Variants in RPGR observed in about 807,000 individuals in gnomAD.
The protein encoded by RPGR is retinitis pigmentosa GTPase regulator.
In RPGR, 10 loss-of-function variants were observed where a neutral mutation model predicts 56.3. The observed-to-expected ratio is 0.18, with a 90% CI of 0.11 to 0.30. The LOEUF (loss-of-function observed/expected upper bound fraction) is 0.30, where lower values mean the gene tolerates loss of function less well. Among genes scored for constraint, RPGR ranks in the 10% least tolerant of loss-of-function variants. The pLI is 1.00. For synonymous variants in RPGR, 197 were observed against 212.9 expected (o/e 0.93, Z 0.65); for missense variants, 538 against 590.9 (o/e 0.91, Z 0.93).
intron 1 of RPGR, 31 bp downstream of exon 1, chrX:38,327,309 G>C: frequency 8.5e-7 from 1 of 1,172,799 alleles, no homozygotes; most frequent in Non-Finnish European, 1.1e-6. Flanking sequence ...CTCCCTCCCG[G>C]CCTTCCGCCA....
chrX:38,270,732 G>C (rs1374740723), intron 18 of RPGR, among the ~76,000 whole-genome samples: 2 of 110,460 alleles, frequency 1.8e-5, no homozygotes, highest in Non-Finnish European at 3.8e-5. Flanking sequence ...GGGGAGGCTG[G>C]GGCTGCAGAT....
At chrX:38,320,650 C>T (rs2067921717) in intron 4 of RPGR, among the ~76,000 whole-genome samples, 1 of 111,922 alleles carries the variant, frequency 8.9e-6, no homozygotes, top group Admixed American at 9.4e-5. Context: ...AACACACACA[C>T]ACACACACAA....
intron 3 of RPGR, among the ~76,000 whole-genome samples, chrX:38,321,858 A>G (rs186291937): frequency 9.0e-6 from 1 of 111,499 alleles, no homozygotes; most frequent in East Asian, 2.8e-4. Flanking sequence ...TTGTTCATTC[A>G]TTCATCTACA....
intron 15 of RPGR, chrX:38,279,106 C>T: frequency 3.1e-6 from 1 of 318,192 alleles, no homozygotes; most frequent in Non-Finnish European, 6.1e-6. Context: ...ACAGACTAAG[C>T]ACATTTAAAA....
At position 38,288,055 on chromosome X, in the gene RPGR, GAAGT is replaced by G. The variant is rs1569238859; in HGVS notation, c.1573-18_1573-15del. 1 of 1,193,318 alleles carries G rather than the reference GAAGT, an allele frequency of 8.4e-7. No homozygotes were observed. The highest frequency in any genetic ancestry group is 3.0e-5 in the East Asian group (1 of 33,788). The stretch of plus-strand genomic sequence containing the variant: ...TGTTTGTTGTTTCTGTAAATTTTTT[GAAGT>G]AATTATCATATGTCATACTACTATT... On this transcript the variant is annotated splice_polypyrimidine_tract_variant and intron_variant, in intron 13 of 18. Coordinates refer to ENST00000642395, the MANE Select transcript of RPGR (RefSeq NM_000328.3).
chrX:38,327,260 A>C, intron 1 of RPGR, 80 bp downstream of exon 1: 1 of 1,032,984 alleles, frequency 9.7e-7, no homozygotes, highest in Non-Finnish European at 1.3e-6. Context: ...GTCCCCCTAC[A>C]GGGCCGATCC....
rs281865308 is a variant in RPGR at position 38,273,401 on chromosome X, C to G, written c.2226G>C (p.Met742Ile). The G allele has an allele frequency of 2.5e-6, 3 of 1,198,128 alleles. No homozygotes were observed. Among genetic ancestry groups the G allele is most frequent in the Non-Finnish European group, 3.4e-6 (3 of 886,563 alleles). ...TTTCACTTACCTTCTTTGTTTTTTTCATGTCTTTGCTTGGTGTTGTTTCAC... is the reference window on the plus strand; with the variant it reads ...TTTCACTTACCTTCTTTGTTTTTTTGATGTCTTTGCTTGGTGTTGTTTCAC... The change falls in exon 18 of 19, where the codon ATG becomes ATC. Residue 742 changes from methionine (M) to isoleucine (I), a missense_variant. Around this residue, in one of 2 missense-constraint regions of RPGR, gnomAD observed 357 missense variants for 325.8 expected, o/e 1.10. Coordinates refer to ENST00000642395, the MANE Select transcript of RPGR (RefSeq NM_000328.3).
chrX:38,277,042 AAAAT>A (rs2066948541), intron 15 of RPGR, among the ~76,000 whole-genome samples: 1 of 111,792 alleles, frequency 8.9e-6, no homozygotes, highest in Non-Finnish European at 1.9e-5. Context: ...ATGGAAAAAA[AAAAT>A]AAATACTCTT....
chrX:38,305,543 G>A (rs2067579920), intron 7 of RPGR, among the ~76,000 whole-genome samples: 3 of 110,167 alleles, frequency 2.7e-5, no homozygotes, highest in Non-Finnish European at 5.7e-5. Flanking sequence ...GTCAGGAGTT[G>A]GAGAAGAGTC....
chrX:38,279,614 CTG>C (rs1331830093), intron 15 of RPGR, among the ~76,000 whole-genome samples: 4 of 109,200 alleles, frequency 3.7e-5, no homozygotes, highest in African/African-American at 6.7e-5. Context: ...GGAGCTGGTA[CTG>C]TGTTTTTCCT....
chrX:38,276,199 T>C, intron 16 of RPGR, among the ~76,000 whole-genome samples: 1 of 111,789 alleles, frequency 8.9e-6, no homozygotes, highest in East Asian at 2.8e-4. Flanking sequence ...CATGTAAACA[T>C]ACACAGGTGT....
chrX:38,276,900 G>T, intron 15 of RPGR: 1 of 565,056 alleles, frequency 1.8e-6, no homozygotes, highest in Non-Finnish European at 2.8e-6. Flanking sequence ...AAATATTGAA[G>T]CCGAAGAAAA....
At chrX:38,302,180 T>C (rs184893911) in intron 8 of RPGR, among the ~76,000 whole-genome samples, 2,227 of 111,688 alleles carry the variant, frequency 0.02, 38 homozygotes, top group Middle Eastern at 0.056. Context: ...ATTACGAACC[T>C]TCACACTCCT....
At chrX:38,304,869 G>A (rs1202736157) in intron 7 of RPGR, 79 bp from the exon 8 acceptor site, 12 of 961,250 alleles carry the variant, frequency 1.2e-5, no homozygotes, top group Non-Finnish European at 1.8e-5. Context: ...AAACTGTCAC[G>A]TTCAACCTTT....
intron 10 of RPGR, chrX:38,298,269 CAA>C (rs10719444): frequency 0.017 from 3,008 of 181,836 alleles, no homozygotes; most frequent in South Asian, 0.019. Flanking sequence ...GACTCTGTCT[CAA>C]AAAAAAAAAA....
chrX:38,279,784 T>C (rs934775636), intron 15 of RPGR, among the ~76,000 whole-genome samples: 5 of 110,760 alleles, frequency 4.5e-5, no homozygotes, highest in Admixed American at 9.6e-5. Flanking sequence ...TTTTGTGCTA[T>C]AATTCAGAAT....
rs2067267431 is a variant in RPGR, at chrX:38,290,992, CT to C, written c.1538del (p.Lys513SerfsTer3). 9.3e-7 allele frequency: 1 copy of C among 1,072,899 alleles called. No homozygotes were observed. The highest frequency in any genetic ancestry group is 1.3e-6 in the Non-Finnish European group (1 of 791,768). The allele number at this position is 1,072,899 out of a possible 1,213,427, so 88.4% of individuals were successfully genotyped here. A position where few individuals can be genotyped will look rare whatever the true frequency, so the allele number is the denominator to read the frequency against. ...TCTGAACTGGTGATAATTTTAATGA[CT>C]TTTCATTGGAATTCAGGCTCATGAT... On this transcript the variant is annotated frameshift_variant, in exon 13 of 19. Coordinates refer to ENST00000642395, the MANE Select transcript of RPGR (RefSeq NM_000328.3). LOFTEE classifies it high-confidence loss of function.
At chrX:38,276,291 T>C (rs180725290) in intron 16 of RPGR, among the ~76,000 whole-genome samples, 2 of 111,894 alleles carry the variant, frequency 1.8e-5, no homozygotes, top group Admixed American at 9.5e-5. Context: ...GACTGAGTGC[T>C]GAACTTCTTG....
rs1264379650 is a variant in RPGR, at chrX:38,273,381, C to T, written c.2241+5G>A. On this transcript the variant is annotated splice_donor_5th_base_variant and intron_variant, in intron 18 of 18. Transcript: ENST00000642395. ...GGATCAAAAAAGACAATTCATTTCA[C>T]TTACCTTCTTTGTTTTTTTCATGTC... The T allele has an allele frequency of 3.4e-6, 4 of 1,178,886 alleles. No homozygotes were observed. The highest frequency in any genetic ancestry group is 4.6e-6 in the Non-Finnish European group (4 of 869,982).
Sources: allele counts gnomAD v4.1 joint callset (sites outside exome capture counted in the v4.1 genomes callset), GRCh38; gene constraint gnomAD v4.1.1; regional missense constraint gnomAD v4.1.1; transcripts MANE v1.5; gene names NCBI Gene and HGNC (gene_info 2026-07-23, HGNC 2026-07-21).